The following DHX30 variants were observed in gnomAD, a reference collection of about 807,000 sequenced individuals.
DHX30 encodes the protein ATP-dependent RNA helicase DHX30.
DHX30 carries 4 observed loss-of-function variants against 116.9 expected under a neutral mutation model. The ratio of observed to expected loss-of-function variants is 0.03; its 90% CI spans 0.02 to 0.08. The LOEUF is 0.08. Among genes scored for constraint, DHX30 ranks in the 10% least tolerant of loss-of-function variants. The pLI, the probability that DHX30 is intolerant of heterozygous loss-of-function variation, is 1.00. For synonymous variants in DHX30, 697 were observed against 651.7 expected (o/e 1.07, Z -1.06); for missense variants, 871 against 1,595.1 (o/e 0.55, Z 7.73).
At chr3:47,844,782 T>C (rs953594680) in intron 9 of DHX30, among the ~76,000 whole-genome samples, 3 of 152,192 alleles carry the variant, frequency 2.0e-5, no homozygotes, top group African/African-American at 7.2e-5. Flanking sequence ...GTGAGGTGGC[T>C]TTAGGTATGT....
intron 4 of DHX30, among the ~76,000 whole-genome samples, chr3:47,823,803 C>T (rs2036408067): frequency 6.6e-6 from 1 of 152,142 alleles, no homozygotes; most frequent in Non-Finnish European, 1.5e-5. Flanking sequence ...TTGTGTATAG[C>T]TCTTCATTTT....
chr3:47,836,807 A>G (rs2037137897), intron 6 of DHX30, among the ~76,000 whole-genome samples: 1 of 152,068 alleles, frequency 6.6e-6, no homozygotes, highest in African/African-American at 2.4e-5. Flanking sequence ...CACCGTGCCC[A>G]GCCTAGTTGT....
chr3:47,814,387 T>G (rs1370915256), intron 3 of DHX30, among the ~76,000 whole-genome samples: 1 of 135,920 alleles, frequency 7.4e-6, no homozygotes, highest in Non-Finnish European at 1.5e-5. Flanking sequence ...ATCACACCAC[T>G]GCACTCTAGC....
At chr3:47,829,314 A>ATATTTTTTTTT (rs1177077114) in intron 6 of DHX30, among the ~76,000 whole-genome samples, 180 bp downstream of exon 6, 1 of 34,192 alleles carries the variant, frequency 2.9e-5, no homozygotes, top group African/African-American at 1.1e-4. Flanking sequence ...ATATATATAT[A>ATATTTTTTTTT]TTTTTTTTTT....
chr3:47,830,882 A>G (rs990003604), intron 6 of DHX30: 2 of 152,362 alleles, frequency 1.3e-5, no homozygotes, highest in Non-Finnish European at 2.9e-5. Context: ...GGTGTGAACC[A>G]CCGCACCCGG....
Position 47,849,486 on chromosome 3 carries a change from C to A in DHX30, c.3123C>A (p.Phe1041Leu). The A allele has an allele frequency of 6.3e-7, 1 of 1,583,038 alleles. No individual in the cohort carries two copies. The highest frequency in any genetic ancestry group is 1.1e-5 in the South Asian group (1 of 87,070). Reference sequence around the variant, plus strand: ...GCAAGGTCACCCGGCAGGGGAAGTTCAAGCCCAACAGCGTCACATATAGGA... The same window carrying A: ...GCAAGGTCACCCGGCAGGGGAAGTTAAAGCCCAACAGCGTCACATATAGGA... ...RQGKVTRQGK[F>L]KPNSVTYRTK... is the part of the protein sequence containing the mutation. Residue 1041 changes from phenylalanine to leucine, a missense_variant, in exon 20 of 22, where the codon TTC becomes TTA. Phe to Leu is a conservative substitution (Grantham distance 22). Coordinates refer to ENST00000445061, the MANE Select transcript of DHX30 (RefSeq NM_138615.3).
intron 3 of DHX30, among the ~76,000 whole-genome samples, chr3:47,817,183 G>C (rs2036096363): frequency 6.6e-6 from 1 of 152,124 alleles, no homozygotes. Context: ...AACCAGAGGG[G>C]CAAAGAGAGC....
chr3:47,849,838 G>T (rs756039254), intron 21 of DHX30, 29 bp from the exon 22 acceptor site: 5 of 1,610,528 alleles, frequency 3.1e-6, no homozygotes, highest in Non-Finnish European at 4.2e-6. Flanking sequence ...CCTCACCACA[G>T]TTCCCCACCA....
At chr3:47,813,236 G>T (rs919487505) in intron 3 of DHX30, among the ~76,000 whole-genome samples, 1 of 152,100 alleles carries the variant, frequency 6.6e-6, no homozygotes, top group African/African-American at 2.4e-5. Flanking sequence ...CCAGCTACTC[G>T]GGAGGCTGAG....
intron 10 of DHX30, 136 bp downstream of exon 10, chr3:47,845,988 T>C (rs1442154672): frequency 2.4e-5 from 34 of 1,432,288 alleles, no homozygotes; most frequent in Non-Finnish European, 3.2e-5. Context: ...GGGATCCCCC[T>C]GGCCTGAACA....
chr3:47,837,254 G>A (rs1379029968), intron 6 of DHX30, among the ~76,000 whole-genome samples: 2 of 152,224 alleles, frequency 1.3e-5, no homozygotes, highest in East Asian at 1.9e-4. Context: ...TGCGGTAGAC[G>A]GGCAGGGAGG....
intron 2 of DHX30, among the ~76,000 whole-genome samples, chr3:47,809,439 T>G (rs921321517): frequency 1.3e-5 from 2 of 151,664 alleles, no homozygotes; most frequent in South Asian, 2.1e-4. Context: ...AGAGACGGGG[T>G]TTCACCGTGT....
intron 2 of DHX30, among the ~76,000 whole-genome samples, chr3:47,809,554 T>A (rs1244461143): frequency 6.6e-6 from 1 of 152,154 alleles, no homozygotes; most frequent in East Asian, 1.9e-4. Context: ...GGAATGTAAC[T>A]TCTTAAAGTA....
At chr3:47,823,996 C>CTTTTTTTT (rs759550719) in intron 4 of DHX30, among the ~76,000 whole-genome samples, 11 of 100,372 alleles carry the variant, frequency 1.1e-4, no homozygotes, top group African/African-American at 1.6e-4. Flanking sequence ...TTTTCTTTTC[C>CTTTTTTTT]TTTTTTTTTT....
At chr3:47,805,184 A>C (rs749764368) in intron 1 of DHX30, 142 bp from the exon 2 acceptor site, 10 of 395,078 alleles carry the variant, frequency 2.5e-5, no homozygotes, top group Non-Finnish European at 4.0e-5. Flanking sequence ...GTAAGTCCTG[A>C]TTTGTAAGGC....
At chr3:47,841,499 C>T in intron 7 of DHX30, 118 bp from the exon 8 acceptor site, 1 of 1,401,350 alleles carries the variant, frequency 7.1e-7, no homozygotes, top group Non-Finnish European at 9.7e-7. Flanking sequence ...CCATTTCATG[C>T]CTTCTGCCCT....
intron 4 of DHX30, among the ~76,000 whole-genome samples, chr3:47,818,385 TTC>T (rs2106970653): frequency 6.6e-6 from 1 of 152,222 alleles, no homozygotes; most frequent in Admixed American, 6.5e-5. Flanking sequence ...GTTTGGGTGG[TTC>T]TCTCAGCACC....
intron 6 of DHX30, among the ~76,000 whole-genome samples, chr3:47,832,625 T>G (rs2036911739): frequency 1.3e-5 from 2 of 150,482 alleles, no homozygotes; most frequent in Non-Finnish European, 1.5e-5. Flanking sequence ...GAACATCTAA[T>G]TCTTTTTTTT....
chr3:47,829,199 A>G, intron 6 of DHX30, 65 bp downstream of exon 6: 1 of 865,540 alleles, frequency 1.2e-6, no homozygotes, highest in Non-Finnish European at 1.8e-6. Flanking sequence ...CTTTGTTTTT[A>G]TTGGTAGAGG....
Sources: gnomAD v4.1 joint callset for allele counts (sites outside exome capture counted in the v4.1 genomes callset) on GRCh38, gnomAD v4.1.1 for gene constraint, MANE v1.5 for transcripts, NCBI Gene and HGNC (gene_info 2026-07-23, HGNC 2026-07-21) for gene names.